EYS: variants seen among roughly 807,000 people sequenced by gnomAD.
The protein encoded by EYS is EGF-like photoreceptor maintenance factor.
A neutral mutation model predicts 282.1 loss-of-function variants in EYS; 250 were observed. That is an observed-to-expected ratio of 0.89 (90% CI 0.80 to 0.98). The LOEUF (loss-of-function observed/expected upper bound fraction) is 0.98, where lower values mean the gene tolerates loss of function less well. EYS is among the 50% of genes least tolerant of loss of function. The pLI is 0.00. For synonymous variants in EYS, 1,355 were observed against 1,282.9 expected (o/e 1.06, Z -1.20); for missense variants, 4,016 against 3,709.0 (o/e 1.08, Z -2.15).
chr6:65,142,543 A>G (rs1489854895), intron 12 of EYS, among the ~76,000 whole-genome samples: 1 of 149,860 alleles, frequency 6.7e-6, no homozygotes, highest in Non-Finnish European at 1.5e-5. Context: ...TAATTTCTTG[A>G]TTTCATAATA....
At chr6:64,407,653 T>C (rs2150441044) in intron 28 of EYS, among the ~76,000 whole-genome samples, 1 of 152,304 alleles carries the variant, frequency 6.6e-6, no homozygotes, top group East Asian at 1.9e-4. Context: ...ATTTTAAGAA[T>C]TAGATACATA....
intron 5 of EYS, among the ~76,000 whole-genome samples, chr6:65,435,541 T>C (rs1768043282): frequency 6.6e-6 from 1 of 152,096 alleles, no homozygotes; most frequent in African/African-American, 2.4e-5. Context: ...ATTAAATTGT[T>C]AACTTTAAAG....
chr6:64,643,967 T>C (rs1322099502), intron 22 of EYS, among the ~76,000 whole-genome samples: 1 of 152,208 alleles, frequency 6.6e-6, no homozygotes, highest in Non-Finnish European at 1.5e-5. Context: ...ACTGAAGTGA[T>C]CCAAGCTGTT....
At chr6:65,682,610 T>C (rs1045024595) in intron 1 of EYS, among the ~76,000 whole-genome samples, 34 of 152,072 alleles carry the variant, frequency 2.2e-4, no homozygotes, top group African/African-American at 5.1e-4. Context: ...GATTGCCTAA[T>C]ATATATCACA....
At chr6:65,085,239 G>C (rs1342698225) in intron 12 of EYS, among the ~76,000 whole-genome samples, 1 of 152,142 alleles carries the variant, frequency 6.6e-6, no homozygotes, top group Non-Finnish European at 1.5e-5. Context: ...GGCTCAGCCA[G>C]AGCTTTCTTG....
chr6:64,230,717 G>T lies in EYS; in HGVS notation c.6299C>A (p.Pro2100His). Residue 2100 changes from proline to histidine, a missense_variant, in exon 31 of 43, where the codon CCC (proline) becomes CAC (histidine). By Grantham distance (77) the Pro-to-His change is moderately conservative. Coordinates refer to ENST00000503581, the MANE Select transcript of EYS (RefSeq NM_001142800.2). ...GCATACATCCTGCTGGCACACAGAG[G>T]GTGCTGCAACAGAGGGGCTGACAGA... The part of the protein sequence containing the change: ...WTSVSPSVAA[P>H]SVCQQDVCHN... The T allele has an allele frequency of 6.4e-7, 1 of 1,551,546 alleles. No individual in the cohort carries two copies. Among genetic ancestry groups the T allele is most frequent in the Non-Finnish European group, 8.7e-7 (1 of 1,146,888 alleles).
chr6:63,802,158 G>A (rs1770796701), intron 37 of EYS, among the ~76,000 whole-genome samples: 1 of 152,086 alleles, frequency 6.6e-6, no homozygotes, highest in Non-Finnish European at 1.5e-5. Context: ...TTAATTCATA[G>A]CTTTATGCTA....
chr6:65,276,357 G>A (rs931431738), intron 12 of EYS, among the ~76,000 whole-genome samples: 1 of 151,894 alleles, frequency 6.6e-6, no homozygotes, highest in South Asian at 2.1e-4. Context: ...GAAACCTTAT[G>A]CTCTGCTAAC....
intron 22 of EYS, among the ~76,000 whole-genome samples, chr6:64,771,209 A>C (rs919399833): frequency 1.3e-5 from 2 of 151,630 alleles, no homozygotes; most frequent in African/African-American, 4.8e-5. Flanking sequence ...TTCTAGTCTC[A>C]AATTTCTTAT....
intron 22 of EYS, among the ~76,000 whole-genome samples, chr6:64,640,073 C>T (rs1232922663): frequency 2.8e-5 from 4 of 143,212 alleles, no homozygotes; most frequent in African/African-American, 7.9e-5. Context: ...ACAACAGGTG[C>T]TAGAGAGGAT....
At chr6:65,344,882 T>C (rs980193683) in intron 9 of EYS, among the ~76,000 whole-genome samples, 1 of 151,726 alleles carries the variant, frequency 6.6e-6, no homozygotes, top group African/African-American at 2.4e-5. Flanking sequence ...TTTGTAAACA[T>C]GACTACATCT....
At chr6:63,920,279 T>G (rs1347102653) in intron 35 of EYS, among the ~76,000 whole-genome samples, 2 of 152,198 alleles carry the variant, frequency 1.3e-5, no homozygotes, top group African/African-American at 4.8e-5. Context: ...GAGCTGACCC[T>G]TCTCCATTCC....
chr6:63,933,840 C>G (rs1201403435), intron 35 of EYS, among the ~76,000 whole-genome samples: 7 of 152,074 alleles, frequency 4.6e-5, no homozygotes. Context: ...GAGAGAGAGA[C>G]ACACACACAT....
chr6:63,901,997 A>T (rs901909883), intron 35 of EYS, among the ~76,000 whole-genome samples: 7 of 151,992 alleles, frequency 4.6e-5, no homozygotes, highest in South Asian at 2.1e-4. Context: ...GGTTCAAGTG[A>T]CCCTTCTGCC....
rs530664049 is a variant in EYS at position 64,725,399 on chromosome 6, G to A, written c.3443+87979C>T. Among the ~76,000 whole-genome samples the A allele has an allele frequency of 7.9e-5, 12 of 151,912 alleles. No homozygotes were observed. In the South Asian group the frequency reaches 2.5e-3, roughly 32 times the overall value. On this transcript the variant is annotated intron_variant, in intron 22 of 42. Transcript: ENST00000503581. ...CAACCCCTTCCCACCCATCAGAATA[G>A]GGGCTAATCCCCCAAAGTATCATAT...
At chr6:65,392,645 T>G (rs1328962871) in intron 7 of EYS, among the ~76,000 whole-genome samples, 1 of 152,126 alleles carries the variant, frequency 6.6e-6, no homozygotes, top group Non-Finnish European at 1.5e-5. Context: ...CCAGTTAGAA[T>G]GGCAATCATT....
At chr6:63,966,351 T>G (rs920093163) in intron 35 of EYS, among the ~76,000 whole-genome samples, 3 of 152,092 alleles carry the variant, frequency 2.0e-5, no homozygotes, top group African/African-American at 7.2e-5. Flanking sequence ...CAAAGGACTG[T>G]GAGGACTTGG....
intron 22 of EYS, among the ~76,000 whole-genome samples, chr6:64,685,092 G>A (rs1421257410): frequency 6.6e-6 from 1 of 152,030 alleles, no homozygotes; most frequent in Non-Finnish European, 1.5e-5. Flanking sequence ...GCAGTATGTT[G>A]TGGAAACAAA....
At chr6:65,309,341 G>C (rs999023276) in intron 11 of EYS, among the ~76,000 whole-genome samples, 3 of 152,188 alleles carry the variant, frequency 2.0e-5, no homozygotes, top group Admixed American at 1.3e-4. Context: ...TTCCATAGCA[G>C]AATTCAAAAC....
Sources: gnomAD v4.1 joint callset for allele counts (sites outside exome capture counted in the v4.1 genomes callset) on GRCh38, gnomAD v4.1.1 for gene constraint, MANE v1.5 for transcripts, NCBI Gene and HGNC (gene_info 2026-07-23, HGNC 2026-07-21) for gene names.